C3orf52: variants seen among roughly 807,000 people sequenced by gnomAD.
C3orf52 encodes chromosome 3 open reading frame 52.
A neutral mutation model predicts 24.8 loss-of-function variants in C3orf52; 22 were observed. That is an observed-to-expected ratio of 0.89 (90% CI 0.63 to 1.27). The LOEUF (loss-of-function observed/expected upper bound fraction) is 1.27. Among genes scored for constraint, C3orf52 ranks in the 50% most tolerant of loss-of-function variants. The pLI is 0.00. For synonymous variants in C3orf52, 93 were observed against 100.2 expected, an observed-to-expected ratio of 0.93 and a Z score of 0.43; for missense variants, 265 against 260.7, an observed-to-expected ratio of 1.02 and a Z score of -0.11.
intron 2 of C3orf52, among the ~76,000 whole-genome samples, chr3:112,101,782 A>T (rs948210525): frequency 1.3e-5 from 2 of 152,140 alleles, no homozygotes; most frequent in African/African-American, 4.8e-5. Flanking sequence ...GTCTATGGCA[A>T]TATAAGCACC....
chr3:112,116,584 G>A (rs1171366605), intron 5 of C3orf52, 58 bp from the exon 6 acceptor site: 6 of 1,360,288 alleles, frequency 4.4e-6, no homozygotes, highest in East Asian at 2.4e-5. Flanking sequence ...GAAAACGTAA[G>A]CATTTAATAG....
chr3:112,131,544 C>T (rs912272820), downstream of C3orf52, among the ~76,000 whole-genome samples: 4 of 151,948 alleles, frequency 2.6e-5, no homozygotes, highest in African/African-American at 9.7e-5. Context: ...TCAGGCTGCC[C>T]TCAAACTCCT....
chr3:112,133,248 G>A (rs1028284898), downstream of C3orf52: 2 of 937,204 alleles, frequency 2.1e-6, no homozygotes, highest in Non-Finnish European at 3.4e-6. Flanking sequence ...AGAGACAGCA[G>A]AAAGGAGAAG....
intron 1 of C3orf52, among the ~76,000 whole-genome samples, chr3:112,087,874 G>T (rs1305745629): frequency 1.3e-5 from 2 of 152,228 alleles, no homozygotes; most frequent in Non-Finnish European, 2.9e-5. Context: ...TCTGGTGACA[G>T]TTTTGCCACT....
At position 112,086,562 on chromosome 3, in the gene C3orf52, G is replaced by T. The variant is rs75888213; in HGVS notation, c.138+17G>T. 6.5e-7 allele frequency: 1 copy of T among 1,544,410 alleles called. No individual in the cohort carries two copies. The highest frequency in any genetic ancestry group is 1.2e-5 in the South Asian group (1 of 83,428). ...CCGGCCGAGGTAAGGTCCCCTTGGC[G>T]CTGGCCCTAACTTGCCGGCGGCGGG... On this transcript the variant is annotated intron_variant, in intron 1 of 5. Coordinates refer to ENST00000264848, the MANE Select transcript of C3orf52 (RefSeq NM_024616.3).
chr3:112,130,058 A>G (rs1212105544), downstream of C3orf52: 1 of 181,168 alleles, frequency 5.5e-6, no homozygotes, highest in Non-Finnish European at 1.2e-5. Context: ...TTGTCGTAAC[A>G]TGGGGCATGT....
At chr3:112,090,852 C>T (rs1057065674) in intron 1 of C3orf52, among the ~76,000 whole-genome samples, 2 of 152,160 alleles carry the variant, frequency 1.3e-5, no homozygotes, top group African/African-American at 4.8e-5. Flanking sequence ...CTGAAAATAG[C>T]ACCAGGGCTT....
chr3:112,123,502 G>T, intron 4 of C3orf52: 1 of 1,614,158 alleles, frequency 6.2e-7, no homozygotes, highest in Non-Finnish European at 8.5e-7. Flanking sequence ...AGTGGACGTG[G>T]CTGTTGCAGA....
chr3:112,093,972 G>A (rs1055507981), intron 2 of C3orf52, among the ~76,000 whole-genome samples: 1 of 151,872 alleles, frequency 6.6e-6, no homozygotes, highest in African/African-American at 2.4e-5. Flanking sequence ...TCCATAAGCT[G>A]TCATTATTTT....
chr3:112,101,696 G>A (rs954485498), intron 2 of C3orf52, among the ~76,000 whole-genome samples: 1 of 152,142 alleles, frequency 6.6e-6, no homozygotes, highest in Non-Finnish European at 1.5e-5. Context: ...ATAAGTAACC[G>A]GAATACCAGG....
At chr3:112,121,352 G>A (rs138817618), downstream of C3orf52, 1 of 152,172 alleles carries the variant, frequency 6.6e-6, no homozygotes, top group Non-Finnish European at 1.5e-5. Context: ...GTATCAGCAT[G>A]GTTTTTTTCC....
At chr3:112,120,882 C>G (rs1576154573), downstream of C3orf52, 1 of 152,216 alleles carries the variant, frequency 6.6e-6, no homozygotes, top group East Asian at 1.9e-4. Flanking sequence ...TTTGAGACAT[C>G]CTACATATTA....
intron 5 of C3orf52, among the ~76,000 whole-genome samples, chr3:112,115,438 G>GA (rs1202081438): frequency 1.3e-5 from 2 of 152,164 alleles, no homozygotes; most frequent in African/African-American, 4.8e-5. Flanking sequence ...GGGCTTGGGG[G>GA]ATTACCATCC....
In C3orf52 at chr3:112,113,077, A is replaced by G; in HGVS notation, c.581A>G (p.Asp194Gly). The change falls in exon 5 of 6, where the codon GAT becomes GGT. Residue 194 changes from aspartate (D) to glycine (G), a missense_variant. Coordinates refer to ENST00000264848, the MANE Select transcript of C3orf52 (RefSeq NM_024616.3). ...TTGGTGCTGGGCATTTTGCTACAGG[A>G]TTTCCGTGATCAGAATATACCTGGT... ...EELVLGILLQ[D>G]FRDQNIPGCE... 2 of 1,611,326 alleles carry G rather than the reference A, an allele frequency of 1.2e-6. No individual in the cohort carries two copies. The highest frequency in any genetic ancestry group is 1.7e-6 in the Non-Finnish European group (2 of 1,178,872).
chr3:112,128,971 G>A (rs1014038215), downstream of C3orf52: 1 of 152,278 alleles, frequency 6.6e-6, no homozygotes, highest in African/African-American at 2.4e-5. Context: ...GTTTCATCAG[G>A]AGGAGCAGTG....
chr3:112,102,829 T>C lies in C3orf52; in HGVS notation c.269-9T>C. The C allele has an allele frequency of 1.3e-6, 2 of 1,547,830 alleles. No individual in the cohort carries two copies. Among genetic ancestry groups the C allele is most frequent in the Admixed American group, 4.1e-5 (2 of 48,758 alleles). Reference sequence around the variant, plus strand: ...TGTTTTTCATTTCCACCTCCCCTACTTTCTTTAGTAACTTATGTTGATGAA... The same window carrying C: ...TGTTTTTCATTTCCACCTCCCCTACCTTCTTTAGTAACTTATGTTGATGAA... On this transcript the variant is annotated splice_polypyrimidine_tract_variant and intron_variant, in intron 2 of 5. Coordinates refer to ENST00000264848, the MANE Select transcript of C3orf52 (RefSeq NM_024616.3).
chr3:112,130,134 G>C (rs946810715), downstream of C3orf52: 1 of 313,602 alleles, frequency 3.2e-6, no homozygotes, highest in East Asian at 5.9e-5. Flanking sequence ...TGAGCACAAA[G>C]GTACCTGAGA....
At chr3:112,133,297 G>A (rs2074503537), downstream of C3orf52, 3 of 661,506 alleles carry the variant, frequency 4.5e-6, no homozygotes, top group Non-Finnish European at 7.9e-6. Flanking sequence ...TGGGGGAGGA[G>A]TGTTAGAGGC....
intron 5 of C3orf52, among the ~76,000 whole-genome samples, chr3:112,114,561 G>T (rs189100577): frequency 1.5e-4 from 23 of 151,946 alleles, no homozygotes; most frequent in Non-Finnish European, 3.2e-4. Flanking sequence ...AAAATTAGCC[G>T]GGCATGGTGG....
Sources: allele counts gnomAD v4.1 joint callset (sites outside exome capture counted in the v4.1 genomes callset), GRCh38; gene constraint gnomAD v4.1.1; transcripts MANE v1.5; gene names NCBI Gene and HGNC (gene_info 2026-07-23, HGNC 2026-07-21).